The following PHIP variants were observed in gnomAD, a reference collection of about 807,000 sequenced individuals.
PHIP encodes PHIP subunit of CUL4-Ring ligase complex, also known as PH-interacting protein.
A neutral mutation model predicts 236.8 loss-of-function variants in PHIP; 54 were observed. That is an observed-to-expected ratio of 0.23 (90% CI 0.18 to 0.29). The LOEUF is 0.29. Ranked by LOEUF, PHIP falls within the 10% of genes least tolerant of loss-of-function variation. The probability of loss-of-function intolerance (pLI) is 1.00; values close to 1 mark genes in which losing one functional copy is unlikely to be tolerated. For missense variants in PHIP, 1,370 were observed against 2,190.8 expected, an observed-to-expected ratio of 0.63 and a Z score of 7.48; for synonymous variants, 756 against 718.9, an observed-to-expected ratio of 1.05 and a Z score of -0.83.
At chr6:79,007,501 A>G (rs1770345644) in intron 15 of PHIP, among the ~76,000 whole-genome samples, 1 of 152,134 alleles carries the variant, frequency 6.6e-6, no homozygotes, top group Admixed American at 6.5e-5. Flanking sequence ...TATATCAATC[A>G]TGAAGAATAT....
In PHIP at chr6:78,943,983, C is replaced by CT. The variant is rs201550604; in HGVS notation, c.4828+1316dup. ...CCTCGGTGACAGAGCAAGATCCTGTCTTTTTTTAAAAAAAAAAAAAAAAAA... is the reference window on the plus strand; with the variant it reads ...CCTCGGTGACAGAGCAAGATCCTGTCTTTTTTTTAAAAAAAAAAAAAAAAAA... On this transcript the variant is annotated intron_variant, in intron 39 of 39. Coordinates refer to ENST00000275034, the MANE Select transcript of PHIP (RefSeq NM_017934.7). Among the ~76,000 whole-genome samples the CT allele has an allele frequency of 8.7e-3, 830 of 95,804 alleles. 10 individuals are homozygous for CT. The highest frequency in any genetic ancestry group is 0.031 in the African/African-American group (758 of 24,712). 62.9% of individuals were successfully genotyped at this position (95,804 alleles called of 152,430 possible). A position where few individuals can be genotyped will look rare whatever the true frequency, so the allele number is the denominator to read the frequency against.
intron 36 of PHIP, 107 bp from the exon 37 acceptor site, chr6:78,946,981 AATT>A: frequency 1.6e-6 from 1 of 618,492 alleles, no homozygotes; most frequent in Middle Eastern, 3.5e-4. Flanking sequence ...TTTAGAATTT[AATT>A]ATTGTTTTTT....
At chr6:79,034,706 G>T (rs1006107742) in intron 7 of PHIP, among the ~76,000 whole-genome samples, 3 of 152,164 alleles carry the variant, frequency 2.0e-5, no homozygotes, top group African/African-American at 7.2e-5. Context: ...GCAAGGCCAA[G>T]AAGTCAATTT....
At chr6:79,026,589 CTG>C (rs1771411774) in intron 7 of PHIP, among the ~76,000 whole-genome samples, 1 of 151,944 alleles carries the variant, frequency 6.6e-6, no homozygotes, top group South Asian at 2.1e-4. Flanking sequence ...TCTCAGGAAG[CTG>C]TGAGTTTCCT....
intron 4 of PHIP, among the ~76,000 whole-genome samples, chr6:79,070,793 TATA>T (rs1345099582): frequency 8.5e-5 from 13 of 152,242 alleles, no homozygotes; most frequent in Non-Finnish European, 1.3e-4. Context: ...CTAGATTACT[TATA>T]ATATCTAATA....
chr6:79,020,509 C>T (rs923732487), intron 9 of PHIP, among the ~76,000 whole-genome samples: 6 of 152,096 alleles, frequency 3.9e-5, no homozygotes, highest in African/African-American at 1.2e-4. Context: ...AAATGCATTG[C>T]TTTCATTACT....
chr6:78,961,699 C>T lies in PHIP; in HGVS notation c.3647G>A (p.Arg1216Lys). Reference protein sequence around the residue: ...LSTIKQRLENRFYRRVSSLMW... With the variant: ...LSTIKQRLENKFYRRVSSLMW... ...ATCAAATGGTTCTAACCTGTAAAAC[C>T]TGTTTTCCAGTCTTTGTTTAATTGT... Residue 1216 changes from arginine to lysine, a missense_variant, in exon 31 of 40, where the codon AGG (arginine) becomes AAG (lysine). By Grantham distance (26) the Arg-to-Lys change is conservative. Coordinates refer to ENST00000275034, the MANE Select transcript of PHIP (RefSeq NM_017934.7). 1 of 1,611,904 alleles carries T rather than the reference C, an allele frequency of 6.2e-7. No individual in the cohort carries two copies.
At chr6:79,075,755 T>C (rs886242034) in intron 4 of PHIP, among the ~76,000 whole-genome samples, 1 of 151,902 alleles carries the variant, frequency 6.6e-6, no homozygotes, top group Admixed American at 6.5e-5. Flanking sequence ...ATTAAGAAAA[T>C]GCAGCATTCC....
chr6:79,063,924 T>C (rs1773502912), intron 4 of PHIP, among the ~76,000 whole-genome samples: 1 of 152,106 alleles, frequency 6.6e-6, no homozygotes, highest in Admixed American at 6.6e-5. Flanking sequence ...GAAAGAACAG[T>C]GGAAACAGAC....
intron 21 of PHIP, among the ~76,000 whole-genome samples, chr6:78,987,169 G>C (rs1380782760): frequency 1.3e-5 from 2 of 151,950 alleles, no homozygotes; most frequent in Non-Finnish European, 2.9e-5. Context: ...TGTGTTTCTG[G>C]AAATACAGTT....
chr6:78,955,613 C>A lies in PHIP; in HGVS notation c.3852G>T (p.Glu1284Asp). The change falls in exon 33 of 40, where the codon GAG becomes GAT. Residue 1284 changes from glutamate to aspartate, a missense_variant and splice_region_variant. Coordinates refer to ENST00000275034, the MANE Select transcript of PHIP (RefSeq NM_017934.7). ...GTAATAATAATGAAATATTACATAC[C>A]TCAGAATCAGACAAAACTTTCTTCT... ...SMKKKVLSDS[E>D]DEEKDADVPG... is the part of the protein sequence containing the mutation. The A allele has an allele frequency of 1.1e-6, 1 of 936,492 alleles. No homozygotes were observed. Among genetic ancestry groups the A allele is most frequent in the African/African-American group, 1.6e-5 (1 of 61,196 alleles). 58.0% of individuals were successfully genotyped at this position (936,492 alleles called of 1,614,324 possible).
chr6:79,007,875 A>G (rs956915960), intron 15 of PHIP, among the ~76,000 whole-genome samples: 2 of 152,108 alleles, frequency 1.3e-5, no homozygotes, highest in Non-Finnish European at 2.9e-5. Flanking sequence ...AAAAACTTTT[A>G]GATTAGAGCT....
intron 15 of PHIP, among the ~76,000 whole-genome samples, chr6:79,014,364 A>G (rs776973719): frequency 1.3e-5 from 2 of 151,782 alleles, no homozygotes; most frequent in African/African-American, 2.4e-5. Context: ...AAAAAAATTT[A>G]AACATGCTGA....
At chr6:79,057,243 A>G (rs868679585) in intron 6 of PHIP, among the ~76,000 whole-genome samples, 2 of 152,164 alleles carry the variant, frequency 1.3e-5, no homozygotes, top group South Asian at 2.1e-4. Flanking sequence ...AAGGAGTCCA[A>G]TAAAAAATTA....
At position 78,946,055 on chromosome 6, in the gene PHIP, C is replaced by G. The variant is rs1333910178; in HGVS notation, c.4576G>C (p.Ala1526Pro). ...GCTTTTGTAATAAAAGTCTTTGCAG[C>G]TGAAGAAGTAGATGGTTGCTCAGTG... ...VVTEQPSTSS[A>P]AKTFITKANA... The change falls in exon 38 of 40, where the codon GCT (alanine) becomes CCT (proline). Residue 1526 changes from alanine to proline, a missense_variant. Ala to Pro is a conservative substitution (Grantham distance 27). Around this residue, in one of 14 missense-constraint regions of PHIP, gnomAD observed 309 missense variants for 328.3 expected, o/e 0.94. Transcript: ENST00000275034. 6.2e-7 allele frequency: 1 copy of G among 1,612,820 alleles called. No individual in the cohort carries two copies. The highest frequency in any genetic ancestry group is 1.7e-5 in the Admixed American group (1 of 60,006).
At chr6:78,993,591 C>T (rs1769412665) in intron 19 of PHIP, among the ~76,000 whole-genome samples, 1 of 152,146 alleles carries the variant, frequency 6.6e-6, no homozygotes, top group Admixed American at 6.5e-5. Flanking sequence ...TCTTGTGCTC[C>T]ATAAATGAAA....
At chr6:78,959,361 CTG>C (rs1378494125) in intron 31 of PHIP, among the ~76,000 whole-genome samples, 2 of 152,016 alleles carry the variant, frequency 1.3e-5, no homozygotes, top group Admixed American at 6.6e-5. Flanking sequence ...TAAAGAAAAA[CTG>C]TGCATTTCAA....
intron 39 of PHIP, among the ~76,000 whole-genome samples, chr6:78,942,378 G>T (rs1023858357): frequency 3.9e-5 from 6 of 152,164 alleles, no homozygotes; most frequent in Admixed American, 3.9e-4. Context: ...AGCTACTCAG[G>T]GGGCTGAGGC....
chr6:79,077,746 G>A lies in PHIP; in HGVS notation c.100-17C>T, dbSNP rs1028043250. 2.0e-6 allele frequency: 2 copies of A among 1,003,642 alleles called. No homozygotes were observed. The highest frequency in any genetic ancestry group is 1.8e-5 in the African/African-American group (1 of 56,584). The allele number at this position is 1,003,642 out of a possible 1,614,324, so 62.2% of individuals were successfully genotyped here. ...GATCAGCACCTGCAACAACAAAGCG[G>A]GGAGAGCTGAGCCCCGCGCCCCGGG... is the stretch of plus-strand genomic sequence containing the variant. On this transcript the variant is annotated splice_polypyrimidine_tract_variant and intron_variant, in intron 2 of 39. Transcript: ENST00000275034.
Sources: allele counts gnomAD v4.1 joint callset (sites outside exome capture counted in the v4.1 genomes callset), GRCh38; gene constraint gnomAD v4.1.1; regional missense constraint gnomAD v4.1.1; transcripts MANE v1.5; gene names NCBI Gene and HGNC (gene_info 2026-07-23, HGNC 2026-07-21).